The following ARSL variants were observed in gnomAD, a reference collection of about 807,000 sequenced individuals.
ARSL encodes arylsulfatase E (chondrodysplasia punctata 1).
ARSL carries 4 observed loss-of-function variants against 31.1 expected under a neutral mutation model. That is an observed-to-expected ratio of 0.13 (90% CI 0.06 to 0.29). The LOEUF (loss-of-function observed/expected upper bound fraction) is 0.29, where lower values mean the gene tolerates loss of function less well. Among genes scored for constraint, ARSL ranks in the 10% least tolerant of loss-of-function variants. ARSL has a pLI of 1.00. For missense variants in ARSL, 312 were observed against 497.8 expected, an observed-to-expected ratio of 0.63 and a Z score of 3.55; for synonymous variants, 198 against 209.9, an observed-to-expected ratio of 0.94 and a Z score of 0.49.
rs150507323 is a variant in ARSL at position 2,962,751 on chromosome X, A to C, written c.-21+1473T>G. 3.2e-3 allele frequency among the ~76,000 whole-genome samples: 362 copies of C among 112,030 alleles called. 8 individuals carry two copies. The highest frequency in any genetic ancestry group is 9.2e-3 in the African/African-American group (283 of 30,834). ...AATAAATCTCAAGGCCCGCAAGTCA[A>C]TAAGCTAAAGGGAAAAGTCAAGCGG... On this transcript the variant is annotated intron_variant, in intron 1 of 10. Coordinates refer to ENST00000381134, the MANE Select transcript of ARSL (RefSeq NM_000047.3).
intron 8 of ARSL, among the ~76,000 whole-genome samples, chrX:2,940,437 C>G (rs1369592518): frequency 1.8e-5 from 2 of 111,495 alleles, no homozygotes; most frequent in African/African-American, 6.5e-5. Flanking sequence ...GGAGGCCCAG[C>G]TGGGAGGACT....
Position 2,938,382 on chromosome X carries a change from C to T in ARSL, c.1127-125G>A, listed in dbSNP as rs774792697. 4.4e-4 allele frequency: 251 copies of T among 569,952 alleles called. No homozygotes were observed. The African/African-American group carries it at 6.4e-3, about 14-fold the overall frequency. The allele number at this position is 569,952 out of a possible 1,213,427, so 47.0% of individuals were successfully genotyped here. A position where few individuals can be genotyped will look rare whatever the true frequency, so the allele number is the denominator to read the frequency against. Reference sequence around the variant, plus strand: ...TCTCTCTCCCTGAGTCTCTCAATTTCTCTCTCTCTCTCTCTCTGTTTTAGT... The same window carrying T: ...TCTCTCTCCCTGAGTCTCTCAATTTTTCTCTCTCTCTCTCTCTGTTTTAGT... On this transcript the variant is annotated intron_variant, in intron 8 of 10. Coordinates refer to ENST00000381134, the MANE Select transcript of ARSL (RefSeq NM_000047.3).
intron 10 of ARSL, among the ~76,000 whole-genome samples, 189 bp downstream of exon 10, chrX:2,936,553 G>A (rs1204908743): frequency 9.0e-6 from 1 of 111,277 alleles, no homozygotes; most frequent in African/African-American, 3.3e-5. Flanking sequence ...AAGGCATGTC[G>A]CTGGAATGAG....
At chrX:2,943,599 G>C (rs1029792874) in intron 7 of ARSL, among the ~76,000 whole-genome samples, 2 of 108,503 alleles carry the variant, frequency 1.8e-5, no homozygotes, top group Admixed American at 2.0e-4. Context: ...AAAATTAGCC[G>C]GGCGTGGTGG....
At position 2,961,708 on chromosome X, in the gene ARSL, T is replaced by C. The variant is rs186454494; in HGVS notation, c.-20-1288A>G. Among the ~76,000 whole-genome samples, 9 of 111,429 alleles carry C rather than the reference T, an allele frequency of 8.1e-5. No homozygotes were observed. The East Asian group carries it at 2.5e-3, about 31-fold the overall frequency. On this transcript the variant is annotated intron_variant, in intron 1 of 10. Coordinates refer to ENST00000381134, the MANE Select transcript of ARSL (RefSeq NM_000047.3). The stretch of plus-strand genomic sequence containing the variant: ...CGGACCCTTCCAATCCTGAAAAGAT[T>C]GACTAAGACTCTAGCACCTTTTAAA...
chrX:2,946,056 G>A lies in ARSL; in HGVS notation c.933C>T (p.Leu311=), dbSNP rs144550713. 7.4e-5 allele frequency: 90 copies of A among 1,208,456 alleles called. No homozygotes were observed. The highest frequency in any genetic ancestry group is 1.2e-4 in the South Asian group (7 of 56,731). The change falls in exon 7 of 11, where the codon CTC becomes CTT. Residue 311 remains leucine (L), a synonymous_variant. Coordinates refer to ENST00000381134, the MANE Select transcript of ARSL (RefSeq NM_000047.3). ...CATACAGCCCGTGGAGACTCTTCCC[G>A]AGGAAGTTCTCCATAGTGATAAGAG... ...HIPLITMENF[L]GKSLHGLYGD...
intron 5 of ARSL, among the ~76,000 whole-genome samples, chrX:2,952,442 C>T (rs998317802): frequency 5.4e-5 from 6 of 111,459 alleles, no homozygotes; most frequent in African/African-American, 2.0e-4. Flanking sequence ...GCTGGGATTA[C>T]AGGCATGAGC....
At chrX:2,946,456 A>C (rs1448948374) in intron 6 of ARSL, among the ~76,000 whole-genome samples, 4 of 99,015 alleles carry the variant, frequency 4.0e-5, no homozygotes, top group Non-Finnish European at 8.0e-5. Flanking sequence ...CTCCCACCTC[A>C]GCCTCCCAAG....
At chrX:2,942,815 T>C (rs1290080201) in intron 8 of ARSL, among the ~76,000 whole-genome samples, 1 of 111,309 alleles carries the variant, frequency 9.0e-6, no homozygotes, top group Non-Finnish European at 1.9e-5. Context: ...GTTACAGAAA[T>C]AAACTCCCTC....
intron 6 of ARSL, among the ~76,000 whole-genome samples, chrX:2,948,558 G>A (rs1272947092): frequency 9.0e-6 from 1 of 110,904 alleles, no homozygotes; most frequent in Admixed American, 9.7e-5. Context: ...TCCCTTCATA[G>A]CCTCACTACA....
In ARSL at chrX:2,960,405, T is replaced by C; in HGVS notation, c.-5A>G. ...AGAATGGTGCAGATGTAACATGTTG[T>C]CTCTCTCTCTACTTCCTGTAAGACA... On this transcript the variant is annotated 5_prime_UTR_variant, in exon 2 of 11. Transcript: ENST00000381134. 1 of 1,188,284 alleles carries C rather than the reference T, an allele frequency of 8.4e-7. No homozygotes were observed. The highest frequency in any genetic ancestry group is 1.1e-6 in the Non-Finnish European group (1 of 883,207).
At chrX:2,961,828 C>T (rs2089639554) in intron 1 of ARSL, among the ~76,000 whole-genome samples, 3 of 108,859 alleles carry the variant, frequency 2.8e-5, no homozygotes, top group African/African-American at 6.7e-5. Flanking sequence ...TTTCTCTTAA[C>T]CTGAAGATTT....
At chrX:2,960,126 G>T (rs764307024) in intron 2 of ARSL, among the ~76,000 whole-genome samples, 4 of 91,878 alleles carry the variant, frequency 4.4e-5, no homozygotes, top group Non-Finnish European at 9.0e-5. Context: ...AAAATTAGCC[G>T]GGCGTGGTGG....
upstream of ARSL, chrX:2,968,203 C>T: frequency 8.7e-7 from 1 of 1,151,591 alleles, no homozygotes; most frequent in Non-Finnish European, 1.1e-6. Flanking sequence ...GGAGGCTGCT[C>T]CTTGGAAGAA....
At chrX:2,949,224 C>T (rs142921008) in intron 6 of ARSL, 80 bp downstream of exon 6, 2 of 1,129,818 alleles carry the variant, frequency 1.8e-6, no homozygotes, top group East Asian at 3.0e-5. Context: ...AGCCACCATG[C>T]CTGACTGAAG....
intron 7 of ARSL, among the ~76,000 whole-genome samples, chrX:2,945,002 G>T (rs1345317847): frequency 2.8e-5 from 3 of 109,042 alleles, no homozygotes; most frequent in Admixed American, 1.0e-4. Context: ...TGAAGAAGAA[G>T]AATAAGAAGA....
At chrX:2,968,038 G>A (rs893003170), upstream of ARSL, 29 of 906,979 alleles carry the variant, frequency 3.2e-5, no homozygotes, top group East Asian at 9.0e-4. Flanking sequence ...TTAAAACATT[G>A]ACAGGGACTT....
At chrX:2,937,839 A>G (rs1484944765) in intron 9 of ARSL, among the ~76,000 whole-genome samples, 1 of 111,633 alleles carries the variant, frequency 9.0e-6, no homozygotes, top group East Asian at 2.8e-4. Flanking sequence ...AGCTCTGGAA[A>G]ACTTTGTAAT....
rs780700222 is a variant in ARSL at position 2,935,009 on chromosome X, C to T, written c.1593G>A (p.Glu531=). The T allele has an allele frequency of 1.7e-6, 2 of 1,211,248 alleles. No homozygotes were observed. Among genetic ancestry groups the T allele is most frequent in the South Asian group, 1.8e-5 (1 of 56,885 alleles). The change falls in exon 11 of 11, where the codon GAG becomes GAA. Residue 531 remains glutamate (E), a synonymous_variant. Transcript: ENST00000381134. ...SETHILTPAS[E]PVFYQVMERV... Reference sequence around the variant, plus strand: ...GTTCCATCACCTGATAGAACACGGGCTCTGAGGCTGGTGTGAGGATGTGGG... The same window carrying T: ...GTTCCATCACCTGATAGAACACGGGTTCTGAGGCTGGTGTGAGGATGTGGG...
Sources: allele counts gnomAD v4.1 joint callset (sites outside exome capture counted in the v4.1 genomes callset), GRCh38; gene constraint gnomAD v4.1.1; transcripts MANE v1.5; gene names NCBI Gene and HGNC (gene_info 2026-07-23, HGNC 2026-07-21).